Variants in ADAM11 observed in about 807,000 individuals in gnomAD.
The protein encoded by ADAM11 is ADAM metallopeptidase domain 11.
A neutral mutation model predicts 119.1 loss-of-function variants in ADAM11; 49 were observed. That is an observed-to-expected ratio of 0.41 (90% confidence interval 0.33 to 0.52). The LOEUF (loss-of-function observed/expected upper bound fraction) is 0.52. ADAM11 is among the 20% of genes least tolerant of loss of function. The pLI is 0.20. For synonymous variants in ADAM11, 364 were observed against 408.0 expected (o/e 0.89, Z 1.30); for missense variants, 777 against 1,047.5 (o/e 0.74, Z 3.56).
intron 26 of ADAM11, 114 bp downstream of exon 26, chr17:44,779,353 C>T: frequency 6.8e-7 from 1 of 1,470,794 alleles, no homozygotes; most frequent in Non-Finnish European, 9.0e-7. Flanking sequence ...GGAGCGGGGG[C>T]TGATTCCCCC....
chr17:44,774,339 G>T lies in ADAM11; in HGVS notation c.1037G>T (p.Gly346Val). ...QSTSSGAAYV[G>V]GICSLSHGGG... is the part of the protein sequence containing the mutation. Reference sequence around the variant, plus strand: ...ACGAGCAGCGGGGCAGCCTACGTGGGGGGCATATGCTCCCTGTCCCACGGC... The same window carrying T: ...ACGAGCAGCGGGGCAGCCTACGTGGTGGGCATATGCTCCCTGTCCCACGGC... Residue 346 changes from glycine to valine, a missense_variant, in exon 12 of 27, where the codon GGG (glycine) becomes GTG (valine). By Grantham distance (109) the Gly-to-Val change is moderately radical. Around this residue, in one of 4 missense-constraint regions of ADAM11, gnomAD observed 147 missense variants for 223.3 expected, o/e 0.66. Transcript: ENST00000200557. 1 of 1,482,126 alleles carries T rather than the reference G, an allele frequency of 6.7e-7. No homozygotes were observed. Among genetic ancestry groups the T allele is most frequent in the Non-Finnish European group, 9.0e-7 (1 of 1,111,578 alleles). 91.8% of individuals were successfully genotyped at this position (1,482,126 alleles called of 1,614,324 possible).
In ADAM11 at chr17:44,776,120, T is replaced by G. The variant is rs778977310; in HGVS notation, c.1486-7T>G. The G allele has an allele frequency of 2.5e-6, 4 of 1,613,300 alleles. No individual in the cohort carries two copies. The highest frequency in any genetic ancestry group is 2.5e-6 in the Non-Finnish European group (3 of 1,179,852). On this transcript the variant is annotated splice_polypyrimidine_tract_variant and splice_region_variant and intron_variant, in intron 17 of 26. Coordinates refer to ENST00000200557, the MANE Select transcript of ADAM11 (RefSeq NM_002390.6). This position sits in a 1 kb window ranked among gnomAD's most constrained non-coding sequence, Gnocchi z 5.2. Reference sequence around the variant, plus strand: ...TGCCTGACTCGAGGAGCGCGTCTCTTCCCTAGTACGAACCACGGGGTGTGT... The same window carrying G: ...TGCCTGACTCGAGGAGCGCGTCTCTGCCCTAGTACGAACCACGGGGTGTGT...
At chr17:44,771,987 T>A (rs1312060765) in intron 6 of ADAM11, among the ~76,000 whole-genome samples, 156 bp downstream of exon 6, 8 of 152,092 alleles carry the variant, frequency 5.3e-5, no homozygotes, top group Non-Finnish European at 5.9e-5. Context: ...CCCTCCCTCC[T>A]GTGCCCCAGC....
rs941358555 is a variant in ADAM11, at chr17:44,776,471, G to C, written c.1566+264G>C. On this transcript the variant is annotated intron_variant, in intron 18 of 26. Transcript: ENST00000200557. The surrounding 1 kb of genome is among the most constrained non-coding windows in gnomAD (Gnocchi z 5.2). The stretch of plus-strand genomic sequence containing the variant: ...CTGGTGTAGGTTAGGGATCAGAGTA[G>C]ACGATAATATTAGTTAACATCTATT... Among the ~76,000 whole-genome samples the C allele has an allele frequency of 6.6e-6, 1 of 152,164 alleles. No individual in the cohort carries two copies. Among genetic ancestry groups the C allele is most frequent in the Non-Finnish European group, 1.5e-5 (1 of 68,022 alleles).
chr17:44,777,434 G>A lies in ADAM11; in HGVS notation c.1782-48G>A. On this transcript the variant is annotated intron_variant, in intron 21 of 26. Transcript: ENST00000200557. This position sits in a 1 kb window ranked among gnomAD's most constrained non-coding sequence, Gnocchi z 5.1. ...GAGGGCAGATTAGAGTTCAGTAGTTGAGTCTGAGGTCAAACTTGGGGCTCA... is the reference window on the plus strand; with the variant it reads ...GAGGGCAGATTAGAGTTCAGTAGTTAAGTCTGAGGTCAAACTTGGGGCTCA... 1 of 1,596,224 alleles carries A rather than the reference G, an allele frequency of 6.3e-7. No homozygotes were observed. Among genetic ancestry groups the A allele is most frequent in the Non-Finnish European group, 8.6e-7 (1 of 1,164,544 alleles).
At position 44,773,707 on chromosome 17, in the gene ADAM11, G is replaced by T. The variant is rs1233300030; in HGVS notation, c.992+280G>T. The stretch of plus-strand genomic sequence containing the variant: ...ACTGTCCCAGCATCCCTTCCTCAGG[G>T]ACCCAGTGCCCTAGTAGGGAAAAAA... On this transcript the variant is annotated intron_variant, in intron 11 of 26. Transcript: ENST00000200557. This position sits in a 1 kb window ranked among gnomAD's most constrained non-coding sequence, Gnocchi z 4.6. Among the ~76,000 whole-genome samples the T allele has an allele frequency of 6.6e-6, 1 of 152,036 alleles. No homozygotes were observed. The highest frequency in any genetic ancestry group is 2.4e-5 in the African/African-American group (1 of 41,358).
intron 13 of ADAM11, 51 bp downstream of exon 13, chr17:44,774,633 C>T (rs770387767): frequency 6.2e-7 from 1 of 1,600,778 alleles, no homozygotes; most frequent in African/African-American, 1.3e-5. Flanking sequence ...AGCTCTGGAA[C>T]GGGAGGGTGA....
chr17:44,769,654 TC>T (rs1567690000), intron 2 of ADAM11, 63 bp from the exon 3 acceptor site: 6 of 1,084,630 alleles, frequency 5.5e-6, no homozygotes, highest in African/African-American at 1.5e-5. Flanking sequence ...GCTCCCGGGA[TC>T]CCCCCGACTC....
chr17:44,780,405 G>A lies in ADAM11; in HGVS notation c.*651G>A, dbSNP rs2049677186. On this transcript the variant is annotated 3_prime_UTR_variant, in exon 27 of 27. Coordinates refer to ENST00000200557, the MANE Select transcript of ADAM11 (RefSeq NM_002390.6). ...GCCCCCGCTTAGCCCCGCTGAGCTTGGAGGAAGTATGAGTGCTGATTCAAA... is the reference window on the plus strand; with the variant it reads ...GCCCCCGCTTAGCCCCGCTGAGCTTAGAGGAAGTATGAGTGCTGATTCAAA... 3.0e-6 allele frequency: 1 copy of A among 335,078 alleles called. No homozygotes were observed. The highest frequency in any genetic ancestry group is 2.2e-5 in the African/African-American group (1 of 45,890). 20.8% of individuals were successfully genotyped at this position (335,078 alleles called of 1,614,324 possible).
Position 44,781,137 on chromosome 17 carries a change from GC to G in ADAM11, c.*1386del, listed in dbSNP as rs1297720759. ...CAGTTCTTGTCACCAGGGTTGCCCT[GC>G]CCTCACTCGGCAGGGAGTTCTGACA... is the stretch of plus-strand genomic sequence containing the variant. On this transcript the variant is annotated 3_prime_UTR_variant, in exon 27 of 27. Coordinates refer to ENST00000200557, the MANE Select transcript of ADAM11 (RefSeq NM_002390.6). The G allele has an allele frequency of 6.6e-6, 1 of 152,264 alleles. No homozygotes were observed. Among genetic ancestry groups the G allele is most frequent in the Non-Finnish European group, 1.5e-5 (1 of 68,062 alleles). The allele number at this position is 152,264 out of a possible 1,614,324, so 9.4% of individuals were successfully genotyped here. A position where few individuals can be genotyped will look rare whatever the true frequency, so the allele number is the denominator to read the frequency against.
intron 2 of ADAM11, among the ~76,000 whole-genome samples, chr17:44,763,006 C>T (rs966379581): frequency 6.6e-5 from 10 of 151,910 alleles, no homozygotes; most frequent in Admixed American, 3.3e-4. Flanking sequence ...CATGGTGCTG[C>T]GCACCTGTAG....
Position 44,772,945 on chromosome 17 carries a change from C to T in ADAM11, c.753+14C>T. 2 of 1,614,130 alleles carry T rather than the reference C, an allele frequency of 1.2e-6. No homozygotes were observed. Among genetic ancestry groups the T allele is most frequent in the South Asian group, 1.1e-5 (1 of 91,086 alleles). On this transcript the variant is annotated intron_variant, in intron 9 of 26. Coordinates refer to ENST00000200557, the MANE Select transcript of ADAM11 (RefSeq NM_002390.6). The surrounding 1 kb of genome is among the most constrained non-coding windows in gnomAD (Gnocchi z 4.5). ...GACCACCAGCTGGTGAGTGCCAGGG[C>T]AGGGACAGGGCGTGACACTGGGAGG...
At chr17:44,764,023 C>A (rs1392078624) in intron 2 of ADAM11, among the ~76,000 whole-genome samples, 1 of 152,156 alleles carries the variant, frequency 6.6e-6, no homozygotes, top group African/African-American at 2.4e-5. Flanking sequence ...GGTCTTGGGA[C>A]CCCTTTTTCT....
At chr17:44,774,871 C>A in intron 14 of ADAM11, 122 bp downstream of exon 14, 1 of 1,249,240 alleles carries the variant, frequency 8.0e-7, no homozygotes, top group Non-Finnish European at 1.1e-6. Flanking sequence ...CTCAGGATCC[C>A]AAGAAGCCCA....
chr17:44,765,375 C>T (rs1290979660), intron 2 of ADAM11, among the ~76,000 whole-genome samples: 1 of 152,128 alleles, frequency 6.6e-6, no homozygotes, highest in African/African-American at 2.4e-5. Context: ...AGGTGAGACA[C>T]CTGACAGGTA....
rs71136047 is a variant in ADAM11, at chr17:44,778,713, A to AAAAAAAAAAAAAAAAAAAAAAAAAAG, written c.2276+471_2276+472insAAAAAAAAAAAAAAAAAAAAAAAAAG. On this transcript the variant is annotated intron_variant, in intron 25 of 26. Coordinates refer to ENST00000200557, the MANE Select transcript of ADAM11 (RefSeq NM_002390.6). ...CAAAAAAAAAAAAAAAAAAAAAAAA[A>AAAAAAAAAAAAAAAAAAAAAAAAAAG]GAAAGAAAGAGAGAAAGAAAAGAAA... 3.5e-4 allele frequency among the ~76,000 whole-genome samples: 28 copies of AAAAAAAAAAAAAAAAAAAAAAAAAAG among 80,420 alleles called. 6 individuals carry two copies. The highest frequency in any genetic ancestry group is 3.5e-4 in the Non-Finnish European group (16 of 45,600). The allele number at this position is 80,420 out of a possible 152,430, so 52.8% of individuals were successfully genotyped here.
At chr17:44,765,610 C>CTTTTTTTTTTTTTTTTTTT (rs748123040) in intron 2 of ADAM11, among the ~76,000 whole-genome samples, 7 of 99,876 alleles carry the variant, frequency 7.0e-5, no homozygotes, top group South Asian at 3.3e-4. Context: ...TTTCTTTTCT[C>CTTTTTTTTTTTTTTTTTTT]TTTTTTTTTT....
chr17:44,774,688 C>CA lies in ADAM11; in HGVS notation c.1169-9dup, dbSNP rs2049575031. On this transcript the variant is annotated splice_polypyrimidine_tract_variant and intron_variant, in intron 13 of 26. Transcript: ENST00000200557. The stretch of plus-strand genomic sequence containing the variant: ...TGGCCTCCCTCATATCCGCCTGGCT[C>CA]ACCCCTCAGGGGACTGCAAGTGTCC... 3 of 1,592,772 alleles carry CA rather than the reference C, an allele frequency of 1.9e-6. No individual in the cohort carries two copies. The highest frequency in any genetic ancestry group is 2.6e-6 in the Non-Finnish European group (3 of 1,168,982).
Position 44,776,294 on chromosome 17 carries a change from ACTCCC to A in ADAM11, c.1566+92_1566+96del. 1 of 1,412,184 alleles carries A rather than the reference ACTCCC, an allele frequency of 7.1e-7. No individual in the cohort carries two copies. Among genetic ancestry groups the A allele is most frequent in the Non-Finnish European group, 9.9e-7 (1 of 1,008,392 alleles). The allele number at this position is 1,412,184 out of a possible 1,614,324, so 87.5% of individuals were successfully genotyped here. The stretch of plus-strand genomic sequence containing the variant: ...TGGTTTTCCCGGACGAGTGCTCAGC[ACTCCC>A]CTCCTCTCCACAGCTGGCATCGACC... On this transcript the variant is annotated intron_variant, in intron 18 of 26. Transcript: ENST00000200557. This position sits in a 1 kb window ranked among gnomAD's most constrained non-coding sequence, Gnocchi z 5.2.
Sources: allele counts gnomAD v4.1 joint callset (sites outside exome capture counted in the v4.1 genomes callset), GRCh38; gene constraint gnomAD v4.1.1; regional missense constraint gnomAD v4.1.1; non-coding constraint Gnocchi (gnomAD v3.1); transcripts MANE v1.5; gene names NCBI Gene and HGNC (gene_info 2026-07-23, HGNC 2026-07-21).